Variants in RGPD2 observed in about 807,000 individuals in gnomAD.
The protein encoded by RGPD2 is RANBP2 like and GRIP domain containing 2, also known as RANBP2-like and GRIP domain-containing protein 2.
A neutral mutation model predicts 36.0 loss-of-function variants in RGPD2; 2 were observed. The ratio of observed to expected loss-of-function variants is 0.06; its 90% CI spans 0.02 to 0.17. The LOEUF (loss-of-function observed/expected upper bound fraction) is 0.17. RGPD2 is among the 10% of genes least tolerant of loss of function. The probability of loss-of-function intolerance (pLI) is 1.00; values close to 1 mark genes in which losing one functional copy is unlikely to be tolerated. For synonymous variants in RGPD2, 19 were observed against 163.8 expected (o/e 0.12, Z 6.75); for missense variants, 40 against 464.3 (o/e 0.09, Z 8.40).
At chr2:87,894,319 G>A in the RGPD2 span, among the ~76,000 whole-genome samples, 2 of 151,312 alleles carry the variant, frequency 1.3e-5, no homozygotes, top group Non-Finnish European at 2.9e-5. Flanking sequence ...GTTTTTACTT[G>A]TCAACATATT....
At chr2:87,856,961 T>G in the RGPD2 span, among the ~76,000 whole-genome samples, 3 of 152,170 alleles carry the variant, frequency 2.0e-5, no homozygotes, top group African/African-American at 7.2e-5. Flanking sequence ...CATAAAAATT[T>G]AGGACACTAC....
the RGPD2 span, among the ~76,000 whole-genome samples, chr2:87,841,850 G>A: frequency 7.0e-6 from 1 of 143,430 alleles, no homozygotes; most frequent in Admixed American, 7.1e-5. Flanking sequence ...ACATCAAAAA[G>A]CTTATCCACC....
the RGPD2 span, among the ~76,000 whole-genome samples, chr2:87,935,609 G>A: frequency 8.7e-4 from 131 of 151,136 alleles, no homozygotes; most frequent in Admixed American, 5.8e-3. Context: ...AGAAAACTCC[G>A]ATATTTTTGT....
chr2:87,986,848 C>A, the RGPD2 span, among the ~76,000 whole-genome samples: 12 of 149,670 alleles, frequency 8.0e-5, no homozygotes, highest in African/African-American at 2.5e-4. Context: ...CCATTGCACT[C>A]CAGCCTGGAT....
At chr2:87,857,071 T>G in the RGPD2 span, among the ~76,000 whole-genome samples, 1 of 152,256 alleles carries the variant, frequency 6.6e-6, no homozygotes, top group Non-Finnish European at 1.5e-5. Flanking sequence ...ATGAACTAAA[T>G]GAATTACAAA....
chr2:87,840,530 T>C, the RGPD2 span, among the ~76,000 whole-genome samples: 1 of 151,942 alleles, frequency 6.6e-6, no homozygotes, highest in African/African-American at 2.4e-5. Flanking sequence ...AAAACATGGA[T>C]GTATTTTAAA....
chr2:87,865,510 T>G, the RGPD2 span, among the ~76,000 whole-genome samples: 4 of 152,090 alleles, frequency 2.6e-5, no homozygotes, highest in Admixed American at 2.6e-4. Context: ...GTATCATAAC[T>G]GAGTTCCCTT....
At chr2:87,776,366 GCATCCATCCATCCATCTCATC>G (rs1269760824) in intron 20 of RGPD2, among the ~76,000 whole-genome samples, 109 of 94,168 alleles carry the variant, frequency 1.2e-3, no homozygotes, top group Non-Finnish European at 1.2e-3. Flanking sequence ...TACTTAATAA[GCATCCATCCATCCATCTCATC>G]CATCCATCCA....
the RGPD2 span, among the ~76,000 whole-genome samples, chr2:87,984,288 T>C: frequency 6.6e-6 from 1 of 152,188 alleles, no homozygotes; most frequent in Non-Finnish European, 1.5e-5. Context: ...CAAACATTAC[T>C]TGACCTCACA....
chr2:87,825,050 C>A, intron 1 of RGPD2: 1 of 389,534 alleles, frequency 2.6e-6, no homozygotes, highest in East Asian at 3.6e-5. Flanking sequence ...CCATCTACCC[C>A]CCTCACCAAA....
chr2:87,836,474 A>G, the RGPD2 span, among the ~76,000 whole-genome samples: 3 of 152,018 alleles, frequency 2.0e-5, no homozygotes, highest in Admixed American at 6.6e-5. Context: ...AAGAAATTTC[A>G]ACCAAGAATT....
the RGPD2 span, among the ~76,000 whole-genome samples, chr2:87,906,657 G>T: frequency 6.1e-4 from 90 of 148,438 alleles, no homozygotes; most frequent in African/African-American, 2.2e-3. Flanking sequence ...CTCATAGGAG[G>T]TACCTCTTGA....
At chr2:87,822,090 G>C (rs1686391688) in intron 1 of RGPD2, among the ~76,000 whole-genome samples, 1 of 152,102 alleles carries the variant, frequency 6.6e-6, no homozygotes, top group South Asian at 2.1e-4. Flanking sequence ...CATCTGATCA[G>C]CTCCAAATCT....
At chr2:87,951,746 G>A in the RGPD2 span, among the ~76,000 whole-genome samples, 1 of 142,038 alleles carries the variant, frequency 7.0e-6, no homozygotes, top group Non-Finnish European at 1.5e-5. Flanking sequence ...CACCACACCT[G>A]GCTAACTTTT....
the RGPD2 span, among the ~76,000 whole-genome samples, chr2:87,977,770 C>A: frequency 1.2e-4 from 18 of 152,208 alleles, no homozygotes; most frequent in African/African-American, 4.3e-4. Context: ...TCATAGGCTT[C>A]ATTTTTTTTC....
the RGPD2 span, among the ~76,000 whole-genome samples, chr2:87,872,782 C>T: frequency 6.6e-6 from 1 of 151,398 alleles, no homozygotes; most frequent in Middle Eastern, 3.4e-3. Flanking sequence ...TTTTCCGAGG[C>T]AGGGTCTTCC....
chr2:87,867,023 C>G, the RGPD2 span, among the ~76,000 whole-genome samples: 1 of 151,638 alleles, frequency 6.6e-6, no homozygotes, highest in East Asian at 2.0e-4. Context: ...CTTTTCCTAC[C>G]TCTGCACTCT....
the RGPD2 span, among the ~76,000 whole-genome samples, chr2:87,979,838 T>C: frequency 1.4e-5 from 2 of 146,320 alleles, no homozygotes; most frequent in Non-Finnish European, 3.0e-5. Flanking sequence ...ATCGTGCCAC[T>C]GCACTCCAGC....
In RGPD2 at chr2:87,791,940, G is replaced by A; in HGVS notation, c.2463+50C>T. On this transcript the variant is annotated intron_variant, in intron 17 of 22. Coordinates refer to ENST00000398146, the MANE Select transcript of RGPD2 (RefSeq NM_001078170.3). ...AGAAAAAAAGTGAGAGAGTGGCCAG[G>A]GAAGGAATCTTGGAATAAAAAGTAC... The A allele has an allele frequency of 2.3e-5, 2 of 88,874 alleles. 1 individual carries two copies. Among genetic ancestry groups the A allele is most frequent in the South Asian group, 2.0e-4 (2 of 10,160 alleles). 5.5% of individuals were successfully genotyped at this position (88,874 alleles called of 1,614,324 possible).
Sources: gnomAD v4.1 joint callset for allele counts (sites outside exome capture counted in the v4.1 genomes callset) on GRCh38, gnomAD v4.1.1 for gene constraint, MANE v1.5 for transcripts, NCBI Gene and HGNC (gene_info 2026-07-23, HGNC 2026-07-21) for gene names.